IFT140: variants seen among roughly 807,000 people sequenced by gnomAD.
IFT140 encodes intraflagellar transport 140.
A neutral mutation model predicts 164.6 loss-of-function variants in IFT140; 133 were observed. That is an observed-to-expected ratio of 0.81 (90% CI 0.70 to 0.93). The LOEUF is 0.93. IFT140 is among the 40% of genes least tolerant of loss of function. The probability of loss-of-function intolerance (pLI) is 0.00; values close to 1 mark genes in which losing one functional copy is unlikely to be tolerated. For missense variants in IFT140, 2,045 were observed against 1,972.3 expected (o/e 1.04, Z -0.70); for synonymous variants, 860 against 817.3 (o/e 1.05, Z -0.89).
At chr16:1,554,896 C>T (rs2141426179) in intron 19 of IFT140, 1 of 1,614,240 alleles carries the variant, frequency 6.2e-7, no homozygotes, top group East Asian at 2.2e-5. Context: ...CTGGCGGCAG[C>T]CATGCTCATC....
At chr16:1,611,068 A>G (rs2036303608) in intron 1 of IFT140, among the ~76,000 whole-genome samples, 1 of 152,160 alleles carries the variant, frequency 6.6e-6, no homozygotes. Flanking sequence ...CCGCTTTTCT[A>G]GTTTCGGAGC....
chr16:1,558,884 C>A (rs2085961910), intron 18 of IFT140, among the ~76,000 whole-genome samples: 1 of 152,258 alleles, frequency 6.6e-6, no homozygotes, highest in Admixed American at 6.5e-5. Flanking sequence ...GTGACTCCAG[C>A]CACCTGCCTC....
chr16:1,518,778 T>A (rs1055874887), intron 29 of IFT140, among the ~76,000 whole-genome samples: 2 of 151,784 alleles, frequency 1.3e-5, no homozygotes, highest in African/African-American at 4.8e-5. Context: ...ACAGGCTGCG[T>A]GTGTGACCTG....
intron 2 of IFT140, among the ~76,000 whole-genome samples, chr16:1,608,775 G>A (rs2036203395): frequency 6.6e-6 from 1 of 152,114 alleles, no homozygotes; most frequent in Non-Finnish European, 1.5e-5. Context: ...GAGAGCAGTG[G>A]TGTGATCATG....
chr16:1,520,583 G>C lies in IFT140; in HGVS notation c.3660+19C>G. On this transcript the variant is annotated intron_variant, in intron 27 of 30. Transcript: ENST00000426508. ...ACTGCCTGTGAGGTAGCCGCGGGCTGGGGCCGGGAGAGGCTCACCTTCAGC... is the reference window on the plus strand; with the variant it reads ...ACTGCCTGTGAGGTAGCCGCGGGCTCGGGCCGGGAGAGGCTCACCTTCAGC... 4 of 1,553,970 alleles carry C rather than the reference G, an allele frequency of 2.6e-6. No homozygotes were observed. The highest frequency in any genetic ancestry group is 3.5e-6 in the Non-Finnish European group (4 of 1,145,178).
In IFT140 at chr16:1,525,937, G is replaced by A; in HGVS notation, c.2718C>T (p.Arg906=). The change falls in exon 21 of 31, where the codon CGC becomes CGT. Residue 906 remains arginine, a synonymous_variant. Transcript: ENST00000426508. ...DRVHLRSTYH[R]YAGHLEASAD... ...CGCTGGCCTCCAGGTGCCCGGCATA[G>A]CGGTGGTAGGTGCTGCGCAGGTGCA... 6.3e-7 allele frequency: 1 copy of A among 1,575,374 alleles called. No homozygotes were observed. Among genetic ancestry groups the A allele is most frequent in the Admixed American group, 1.8e-5 (1 of 54,696 alleles).
intron 20 of IFT140, 116 bp downstream of exon 20, chr16:1,526,503 C>T: frequency 8.8e-7 from 1 of 1,134,412 alleles, no homozygotes; most frequent in Non-Finnish European, 1.2e-6. Flanking sequence ...TGCCTCTCGG[C>T]TCTGCCCACA....
chr16:1,539,533 G>A (rs981310408), intron 19 of IFT140, among the ~76,000 whole-genome samples: 4 of 152,388 alleles, frequency 2.6e-5, no homozygotes, highest in South Asian at 2.1e-4. Context: ...CTGTCCGTAC[G>A]GGAACCCCTT....
chr16:1,578,936 C>T (rs1024398689), intron 13 of IFT140, among the ~76,000 whole-genome samples: 3 of 152,188 alleles, frequency 2.0e-5, no homozygotes, highest in African/African-American at 4.8e-5. Context: ...GGTTTCAAAC[C>T]GCTGGGTTCA....
chr16:1,524,961 C>G (rs2040639009), intron 22 of IFT140, 45 bp from the exon 23 acceptor site: 3 of 1,574,904 alleles, frequency 1.9e-6, no homozygotes, highest in South Asian at 1.1e-5. Context: ...GAGCCCCGCT[C>G]CAACCCGGGA....
chr16:1,580,719 A>G (rs371998826), intron 13 of IFT140, 40 bp downstream of exon 13: 41 of 1,376,148 alleles, frequency 3.0e-5, no homozygotes, highest in Non-Finnish European at 4.3e-5. Flanking sequence ...CAGGATTTCA[A>G]ACTCTGCTCT....
At chr16:1,512,492 T>C (rs1226068828) in intron 30 of IFT140, among the ~76,000 whole-genome samples, 4 of 152,144 alleles carry the variant, frequency 2.6e-5, no homozygotes, top group Non-Finnish European at 2.9e-5. Context: ...TATCTCGAGT[T>C]ACTAAATTCC....
At chr16:1,596,444 G>GATGTCCAAGTTTCCAGGCTGCCACCTGGA (rs552610390) in intron 4 of IFT140, among the ~76,000 whole-genome samples, 1 of 152,220 alleles carries the variant, frequency 6.6e-6, no homozygotes, top group South Asian at 2.1e-4. Context: ...CAGACAGGCT[G>GATGTCCAAGTTTCCAGGCTGCCACCTGGA]ATGTCCAAGT....
chr16:1,586,379 C>A (rs1011322060), intron 9 of IFT140, 104 bp from the exon 10 acceptor site: 6 of 1,187,914 alleles, frequency 5.1e-6, no homozygotes, highest in African/African-American at 1.5e-5. Context: ...CAGCCCTCGC[C>A]CAGTCTGGTG....
intron 10 of IFT140, 139 bp from the exon 11 acceptor site, chr16:1,584,559 T>C (rs997154995): frequency 6.0e-6 from 4 of 664,194 alleles, no homozygotes; most frequent in African/African-American, 3.6e-5. Flanking sequence ...AAAATGATCT[T>C]ATAAGACATT....
At chr16:1,521,861 G>GA (rs111953232) in intron 26 of IFT140, among the ~76,000 whole-genome samples, 15,145 of 107,660 alleles carry the variant, frequency 0.14, 1,450 homozygotes, top group African/African-American at 0.3. Context: ...ATCTCCACAA[G>GA]AAAAAAAAAC....
intron 13 of IFT140, among the ~76,000 whole-genome samples, chr16:1,572,115 C>T (rs1040394260): frequency 2.0e-5 from 3 of 152,208 alleles, no homozygotes; most frequent in Non-Finnish European, 4.4e-5. Flanking sequence ...ACGACGCACC[C>T]ACTCTTTCTA....
intron 8 of IFT140, 55 bp from the exon 9 acceptor site, chr16:1,587,359 C>T: frequency 1.8e-6 from 2 of 1,139,406 alleles, no homozygotes; most frequent in South Asian, 1.3e-5. Flanking sequence ...GCGTTTCCCT[C>T]TGAGGGGTTT....
intron 13 of IFT140, chr16:1,576,947 C>G (rs2034310651): frequency 6.6e-6 from 1 of 152,220 alleles, no homozygotes; most frequent in Admixed American, 6.5e-5. Flanking sequence ...TTTCGAAGAT[C>G]CCCTTAAAAT....
Sources: allele counts gnomAD v4.1 joint callset (sites outside exome capture counted in the v4.1 genomes callset), GRCh38; gene constraint gnomAD v4.1.1; transcripts MANE v1.5; gene names NCBI Gene and HGNC (gene_info 2026-07-23, HGNC 2026-07-21).